The following DENND1A variants were observed in gnomAD, a reference collection of about 807,000 sequenced individuals.
DENND1A encodes the protein DENN domain containing 1A, also known as DENN domain-containing protein 1A.
DENND1A carries 51 observed loss-of-function variants against 113.7 expected under a neutral mutation model. The observed-to-expected ratio is 0.45, with a 90% CI of 0.36 to 0.57. The LOEUF is 0.57. DENND1A is among the 20% of genes least tolerant of loss of function. DENND1A has a pLI of 0.00. For synonymous variants in DENND1A, 565 were observed against 570.8 expected (o/e 0.99, Z 0.14); for missense variants, 1,258 against 1,395.9 (o/e 0.90, Z 1.57).
At chr9:123,723,953 G>A (rs2067516944) in intron 5 of DENND1A, among the ~76,000 whole-genome samples, 1 of 152,204 alleles carries the variant, frequency 6.6e-6, no homozygotes. Flanking sequence ...TGCAGTAGAT[G>A]TTGACTAAAC....
At chr9:123,910,053 C>T (rs1182934308) in intron 1 of DENND1A, among the ~76,000 whole-genome samples, 1 of 152,084 alleles carries the variant, frequency 6.6e-6, no homozygotes, top group Non-Finnish European at 1.5e-5. Flanking sequence ...AGAGATATGT[C>T]ATCTTCATTA....
At chr9:123,391,413 C>G (rs897435338) in intron 21 of DENND1A, among the ~76,000 whole-genome samples, 4 of 152,224 alleles carry the variant, frequency 2.6e-5, no homozygotes, top group Non-Finnish European at 5.9e-5. Context: ...GAATTCTTTA[C>G]TGCAACCCCA....
intron 7 of DENND1A, among the ~76,000 whole-genome samples, chr9:123,667,521 G>T (rs1442004214): frequency 6.6e-6 from 1 of 152,178 alleles, no homozygotes; most frequent in Non-Finnish European, 1.5e-5. Flanking sequence ...GGAAGCTAAA[G>T]CAGGAGAATC....
chr9:123,639,110 TC>T (rs1181068997), intron 9 of DENND1A, among the ~76,000 whole-genome samples: 2 of 148,080 alleles, frequency 1.4e-5, no homozygotes, highest in Non-Finnish European at 3.0e-5. Context: ...AAAGGACTGT[TC>T]CCTGTAGTTT....
chr9:123,633,668 C>T (rs1297966857), intron 9 of DENND1A, among the ~76,000 whole-genome samples: 3 of 152,098 alleles, frequency 2.0e-5, no homozygotes, highest in East Asian at 3.9e-4. Context: ...CCCAGCTACT[C>T]GGGAGGCTGA....
intron 19 of DENND1A, among the ~76,000 whole-genome samples, chr9:123,419,165 A>G (rs1429790984): frequency 1.3e-5 from 2 of 152,248 alleles, no homozygotes; most frequent in Non-Finnish European, 2.9e-5. Context: ...CAGGTTCACT[A>G]AAGGCTGAGG....
intron 1 of DENND1A, among the ~76,000 whole-genome samples, chr9:123,902,226 CAG>C (rs1166549507): frequency 2.0e-5 from 3 of 151,006 alleles, no homozygotes; most frequent in African/African-American, 7.3e-5. Flanking sequence ...CACGTAGAGA[CAG>C]AGAGAGACTA....
At chr9:123,616,517 A>G (rs1224483100) in intron 10 of DENND1A, among the ~76,000 whole-genome samples, 1 of 152,244 alleles carries the variant, frequency 6.6e-6, no homozygotes, top group African/African-American at 2.4e-5. Context: ...AAGGCAATTT[A>G]TATGAATATT....
chr9:123,510,157 C>T (rs900574374), intron 13 of DENND1A, among the ~76,000 whole-genome samples: 1 of 152,244 alleles, frequency 6.6e-6, no homozygotes, highest in East Asian at 1.9e-4. Context: ...AAAACACAGT[C>T]GCTACACAAC....
At chr9:123,544,823 G>A (rs1032812064) in intron 13 of DENND1A, among the ~76,000 whole-genome samples, 4 of 152,182 alleles carry the variant, frequency 2.6e-5, no homozygotes, top group African/African-American at 9.7e-5. Context: ...TATGTGCCAG[G>A]CGTGGTGGCT....
intron 12 of DENND1A, among the ~76,000 whole-genome samples, chr9:123,575,640 C>T (rs2058595605): frequency 6.6e-6 from 1 of 152,164 alleles, no homozygotes; most frequent in African/African-American, 2.4e-5. Context: ...TACTCTTTTT[C>T]TCTTTACACA....
intron 9 of DENND1A, among the ~76,000 whole-genome samples, chr9:123,634,063 T>G (rs1270952181): frequency 6.6e-6 from 1 of 152,244 alleles, no homozygotes; most frequent in Non-Finnish European, 1.5e-5. Flanking sequence ...CTTGATTATG[T>G]GACTCTTTTT....
chr9:123,691,758 T>C (rs1004136646), intron 5 of DENND1A, among the ~76,000 whole-genome samples: 3 of 151,970 alleles, frequency 2.0e-5, no homozygotes, highest in African/African-American at 4.8e-5. Flanking sequence ...AGGAGGATAG[T>C]CTGGAATCAG....
intron 1 of DENND1A, among the ~76,000 whole-genome samples, chr9:123,890,734 TCA>T (rs1357180200): frequency 6.6e-6 from 1 of 152,232 alleles, no homozygotes; most frequent in Non-Finnish European, 1.5e-5. Context: ...TTGTCCAAGT[TCA>T]CACAGTTTGT....
intron 16 of DENND1A, among the ~76,000 whole-genome samples, chr9:123,453,815 C>CA (rs1188908953): frequency 2.6e-5 from 4 of 152,174 alleles, no homozygotes; most frequent in Non-Finnish European, 5.9e-5. Flanking sequence ...GGGAAATTTT[C>CA]ACCCACTCAT....
chr9:123,621,203 C>CA (rs369862602), intron 10 of DENND1A, among the ~76,000 whole-genome samples: 4 of 143,208 alleles, frequency 2.8e-5, no homozygotes, highest in African/African-American at 1.0e-4. Context: ...TTTTTTTTTC[C>CA]AAGACAGGGT....
chr9:123,453,248 G>C (rs2047869010), intron 16 of DENND1A, among the ~76,000 whole-genome samples: 1 of 152,222 alleles, frequency 6.6e-6, no homozygotes. Flanking sequence ...GATGACGGCT[G>C]TAATGGCTGT....
chr9:123,924,496 C>T, intron 1 of DENND1A, among the ~76,000 whole-genome samples: 1 of 152,000 alleles, frequency 6.6e-6, no homozygotes, highest in East Asian at 1.9e-4. Flanking sequence ...ACTAAAAATA[C>T]AAAAACTAGT....
At chr9:123,696,742 G>A (rs1589706370) in intron 5 of DENND1A, among the ~76,000 whole-genome samples, 2 of 151,750 alleles carry the variant, frequency 1.3e-5, no homozygotes. Context: ...AGGATTCTGC[G>A]ATGAGAATTT....
Sources: gnomAD v4.1 joint callset for allele counts (sites outside exome capture counted in the v4.1 genomes callset) on GRCh38, gnomAD v4.1.1 for gene constraint, MANE v1.5 for transcripts, NCBI Gene and HGNC (gene_info 2026-07-23, HGNC 2026-07-21) for gene names.